PTPRD: variants seen among roughly 807,000 people sequenced by gnomAD.
PTPRD encodes the protein protein tyrosine phosphatase receptor type D, also known as receptor-type tyrosine-protein phosphatase delta.
A neutral mutation model predicts 214.5 loss-of-function variants in PTPRD; 34 were observed. That is an observed-to-expected ratio of 0.16 (90% CI 0.12 to 0.21). The LOEUF is 0.21. Ranked by LOEUF, PTPRD falls within the 10% of genes least tolerant of loss-of-function variation. The probability of loss-of-function intolerance (pLI) is 1.00; values close to 1 mark genes in which losing one functional copy is unlikely to be tolerated. For synonymous variants in PTPRD, 1,128 were observed against 845.7 expected (o/e 1.33, Z -5.79); for missense variants, 2,545 against 2,398.7 (o/e 1.06, Z -1.27).
At chr9:8,623,688 C>G (rs1425045496) in intron 14 of PTPRD, among the ~76,000 whole-genome samples, 1 of 151,886 alleles carries the variant, frequency 6.6e-6, no homozygotes, top group Non-Finnish European at 1.5e-5. Flanking sequence ...TAATCATCCT[C>G]TTAAGTTTAC....
At chr9:9,559,032 T>TC (rs2082220922) in intron 8 of PTPRD, among the ~76,000 whole-genome samples, 1 of 152,200 alleles carries the variant, frequency 6.6e-6, no homozygotes, top group Admixed American at 6.5e-5. Flanking sequence ...CACGTTCCAG[T>TC]CCGGGGGGGT....
intron 11 of PTPRD, among the ~76,000 whole-genome samples, chr9:8,958,257 C>T (rs1243657217): frequency 6.6e-6 from 1 of 151,872 alleles, no homozygotes; most frequent in Non-Finnish European, 1.5e-5. Context: ...TGCCACTTCT[C>T]TCTCTGTCTG....
chr9:10,082,844 C>CAA lies in PTPRD; in HGVS notation c.-544-49055_-544-49054insTT, dbSNP rs1002379393. On this transcript the variant is annotated intron_variant, in intron 3 of 45. Coordinates refer to ENST00000381196, the MANE Select transcript of PTPRD (RefSeq NM_002839.4). Reference sequence around the variant, plus strand: ...ACACACACACACACACACACAAACACACACACACACACACACACACCCTAG... The same window carrying CAA: ...ACACACACACACACACACACAAACACAAACACACACACACACACACACCCTAG... 3.2e-3 allele frequency among the ~76,000 whole-genome samples: 457 copies of CAA among 144,556 alleles called. 4 individuals carry two copies. Among genetic ancestry groups the CAA allele is most frequent in the African/African-American group, 0.01 (390 of 38,378 alleles). 94.8% of individuals were successfully genotyped at this position (144,556 alleles called of 152,430 possible). A position where few individuals can be genotyped will look rare whatever the true frequency, so the allele number is the denominator to read the frequency against.
At chr9:9,909,778 G>GTTT (rs113536313) in intron 5 of PTPRD, among the ~76,000 whole-genome samples, 2,647 of 150,248 alleles carry the variant, frequency 0.018, 28 homozygotes, top group African/African-American at 0.027. Context: ...TGGATTGAAT[G>GTTT]TTTTTTTTTG....
At chr9:8,607,301 C>T (rs1376788035) in intron 14 of PTPRD, among the ~76,000 whole-genome samples, 2 of 152,060 alleles carry the variant, frequency 1.3e-5, no homozygotes, top group South Asian at 2.1e-4. Flanking sequence ...ACAATTTTGT[C>T]TATTAAAATC....
intron 14 of PTPRD, among the ~76,000 whole-genome samples, chr9:8,604,051 T>G (rs1260375861): frequency 6.6e-6 from 1 of 152,218 alleles, no homozygotes; most frequent in African/African-American, 2.4e-5. Flanking sequence ...GTTTAATTCT[T>G]CACTTCAGCT....
intron 11 of PTPRD, among the ~76,000 whole-genome samples, chr9:8,852,609 C>T (rs538021727): frequency 6.7e-4 from 102 of 152,284 alleles, no homozygotes; most frequent in Non-Finnish European, 1.2e-3. Context: ...TACTACTTGC[C>T]TGCTGGTATA....
intron 10 of PTPRD, among the ~76,000 whole-genome samples, chr9:9,097,191 C>T: frequency 6.6e-6 from 1 of 152,120 alleles, no homozygotes; most frequent in South Asian, 2.1e-4. Context: ...GCAAGCATAG[C>T]AGGCATTATG....
chr9:8,834,898 C>G (rs1053518520), intron 11 of PTPRD, among the ~76,000 whole-genome samples: 1 of 152,170 alleles, frequency 6.6e-6, no homozygotes, highest in Non-Finnish European at 1.5e-5. Flanking sequence ...AAGAGCTTTA[C>G]GCAGGCAGCT....
rs190017764 is a variant in PTPRD, at chr9:9,441,241, G to A, written c.-236-43759C>T. ...AGCCTATCCTCGAAGCGGTGTGGGA[G>A]GCATAACTATGTCCATCACACCAGT... On this transcript the variant is annotated intron_variant, in intron 8 of 45. Transcript: ENST00000381196. Among the ~76,000 whole-genome samples the A allele has an allele frequency of 1.1e-4, 16 of 152,224 alleles. No individual in the cohort carries two copies. In the East Asian group the frequency reaches 2.9e-3, roughly 28 times the overall value.
At chr9:10,466,434 A>G (rs1025916443) in intron 2 of PTPRD, among the ~76,000 whole-genome samples, 7 of 151,822 alleles carry the variant, frequency 4.6e-5, no homozygotes, top group African/African-American at 1.5e-4. Context: ...GACCAGCCTG[A>G]CCAACATGAA....
At chr9:9,651,697 T>A (rs1197228654) in intron 7 of PTPRD, among the ~76,000 whole-genome samples, 3 of 152,120 alleles carry the variant, frequency 2.0e-5, no homozygotes, top group African/African-American at 2.4e-5. Flanking sequence ...GGTGCTGCAA[T>A]GAACATATGT....
chr9:9,648,123 T>A (rs978285152), intron 7 of PTPRD, among the ~76,000 whole-genome samples: 1 of 152,180 alleles, frequency 6.6e-6, no homozygotes, highest in Non-Finnish European at 1.5e-5. Flanking sequence ...ATTTTTGTCA[T>A]ATATTTATTT....
chr9:9,802,430 T>C (rs2099046839), intron 5 of PTPRD, among the ~76,000 whole-genome samples: 1 of 151,958 alleles, frequency 6.6e-6, no homozygotes, highest in South Asian at 2.1e-4. Context: ...TATTAGGCCA[T>C]AATTTGCTCC....
intron 5 of PTPRD, among the ~76,000 whole-genome samples, chr9:9,775,105 AT>A (rs1245171241): frequency 2.0e-5 from 3 of 152,206 alleles, no homozygotes; most frequent in Non-Finnish European, 4.4e-5. Context: ...ATGCTCCATT[AT>A]CATCAGTCTG....
At chr9:9,147,328 G>A (rs2099870305) in intron 10 of PTPRD, among the ~76,000 whole-genome samples, 1 of 151,666 alleles carries the variant, frequency 6.6e-6, no homozygotes, top group African/African-American at 2.4e-5. Flanking sequence ...TCCTGGGGTG[G>A]GGGAGGGGAT....
chr9:8,451,453 G>C (rs1476817392), intron 33 of PTPRD, among the ~76,000 whole-genome samples: 1 of 152,124 alleles, frequency 6.6e-6, no homozygotes, highest in Non-Finnish European at 1.5e-5. Flanking sequence ...AAAAGACAAA[G>C]GGCTGGTGAA....
chr9:9,844,811 G>C (rs1334948990), intron 5 of PTPRD, among the ~76,000 whole-genome samples: 1 of 151,356 alleles, frequency 6.6e-6, no homozygotes, highest in Admixed American at 6.6e-5. Flanking sequence ...TGAGCATCTG[G>C]AATGTTCAAA....
At chr9:10,062,755 C>T (rs2097797149) in intron 3 of PTPRD, among the ~76,000 whole-genome samples, 1 of 151,446 alleles carries the variant, frequency 6.6e-6, no homozygotes, top group African/African-American at 2.4e-5. Flanking sequence ...ATTTTTTTTC[C>T]CCTGAAAATC....
Sources: allele counts gnomAD v4.1 joint callset (sites outside exome capture counted in the v4.1 genomes callset), GRCh38; gene constraint gnomAD v4.1.1; transcripts MANE v1.5; gene names NCBI Gene and HGNC (gene_info 2026-07-23, HGNC 2026-07-21).